ZNF676: variants seen among roughly 807,000 people sequenced by gnomAD.
The protein encoded by ZNF676 is zinc finger protein 676.
In ZNF676, 4 loss-of-function variants were observed where a neutral mutation model predicts 6.0. The ratio of observed to expected loss-of-function variants is 0.67; its 90% confidence interval spans 0.33 to 1.53. The LOEUF (loss-of-function observed/expected upper bound fraction) is 1.53, where lower values mean the gene tolerates loss of function less well. ZNF676 is among the 40% of genes most tolerant of loss of function. ZNF676 has a pLI of 0.06. For synonymous variants in ZNF676, 198 were observed against 223.1 expected (o/e 0.89, Z 1.00); for missense variants, 644 against 679.7 (o/e 0.95, Z 0.58).
chr19:22,216,250 C>G (rs1413791486), upstream of ZNF676, among the ~76,000 whole-genome samples: 1 of 152,124 alleles, frequency 6.6e-6, no homozygotes, highest in Non-Finnish European at 1.5e-5. Flanking sequence ...GCCTGGTTGA[C>G]ATGGTGAAAC....
the ZNF676 span, among the ~76,000 whole-genome samples, chr19:22,236,075 T>A: frequency 6.6e-6 from 1 of 151,770 alleles, no homozygotes; most frequent in East Asian, 1.9e-4. Flanking sequence ...AATCACCACC[T>A]TTGCGTCTTT....
Position 22,181,584 on chromosome 19 carries a change from T to C in ZNF676, c.133A>G (p.Ile45Val). 6.5e-7 allele frequency: 1 copy of C among 1,543,934 alleles called. No individual in the cohort carries two copies. The highest frequency in any genetic ancestry group is 1.3e-5 in the South Asian group (1 of 79,048). The change falls in exon 3 of 3, where the codon ATA becomes GTA. Residue 45 changes from isoleucine to valine, a missense_variant and splice_region_variant. Transcript: ENST00000397121. ...AACTCTTGGGAAAAATGAGAACATA[T>C]AACTGAAAAGAAATAAAAATAACAA... Reference protein sequence around the residue: ...RHEMVEEPPVICSHFSQEFWP... With the variant: ...RHEMVEEPPVVCSHFSQEFWP...
upstream of ZNF676, among the ~76,000 whole-genome samples, chr19:22,201,369 T>C (rs2024023924): frequency 6.6e-6 from 1 of 152,224 alleles, no homozygotes; most frequent in African/African-American, 2.4e-5. Flanking sequence ...TCTATGTTGA[T>C]ATCTCACAAT....
intron 2 of ZNF676, among the ~76,000 whole-genome samples, chr19:22,183,072 T>C (rs1395269505): frequency 6.6e-6 from 1 of 152,046 alleles, no homozygotes; most frequent in African/African-American, 2.4e-5. Flanking sequence ...TTAAAATATA[T>C]TGTTTTATTT....
chr19:22,258,176 A>T, the ZNF676 span, among the ~76,000 whole-genome samples: 1 of 150,996 alleles, frequency 6.6e-6, no homozygotes, highest in African/African-American at 2.4e-5. Context: ...CAAAAGAAAA[A>T]AGTCACATTA....
chr19:22,249,348 A>G, the ZNF676 span, among the ~76,000 whole-genome samples: 3 of 151,394 alleles, frequency 2.0e-5, no homozygotes, highest in African/African-American at 7.4e-5. Context: ...TTAAGCTTGT[A>G]AAAAAAATTC....
chr19:22,225,934 G>C, the ZNF676 span, among the ~76,000 whole-genome samples: 14 of 152,002 alleles, frequency 9.2e-5, no homozygotes, highest in Middle Eastern at 3.4e-3. Context: ...CAAAAATTTT[G>C]AAGTATATTT....
chr19:22,239,166 T>C, the ZNF676 span, among the ~76,000 whole-genome samples: 4 of 151,994 alleles, frequency 2.6e-5, no homozygotes, highest in African/African-American at 9.7e-5. Flanking sequence ...GTGGGCAGAT[T>C]CACATATCAC....
upstream of ZNF676, among the ~76,000 whole-genome samples, chr19:22,198,335 GA>G (rs768669025): frequency 1.3e-5 from 2 of 151,964 alleles, no homozygotes; most frequent in African/African-American, 4.8e-5. Context: ...CTGGTATATA[GA>G]AAAAAATATA....
chr19:22,240,405 A>G, the ZNF676 span, among the ~76,000 whole-genome samples: 6 of 152,060 alleles, frequency 3.9e-5, no homozygotes, highest in Middle Eastern at 3.4e-3. Context: ...GCCCAGAGAT[A>G]TTTCACAATG....
the ZNF676 span, chr19:22,244,172 T>C: frequency 6.6e-6 from 1 of 151,890 alleles, no homozygotes; most frequent in Non-Finnish European, 1.5e-5. Context: ...GCCTCTTGAG[T>C]AGCTGGGATT....
the ZNF676 span, among the ~76,000 whole-genome samples, chr19:22,251,469 G>T: frequency 5.9e-5 from 9 of 152,234 alleles, no homozygotes; most frequent in African/African-American, 1.9e-4. Flanking sequence ...CAGCTCAAAA[G>T]AAACAAGAGA....
intron 2 of ZNF676, 66 bp from the exon 3 acceptor site, chr19:22,181,652 C>T: frequency 3.2e-6 from 4 of 1,263,968 alleles, no homozygotes; most frequent in Non-Finnish European, 4.2e-6. Context: ...GTTTCCAAAT[C>T]TAACCTATAA....
At position 22,193,050 on chromosome 19, in the gene ZNF676, A is replaced by T; in HGVS notation, c.96T>A (p.Asn32Lys). ...IFLEQGKEPWNMKRHEMVEEP... is the reference protein window; with the variant it reads ...IFLEQGKEPWKMKRHEMVEEP... ...CTTCCACCATCTCATGTCTCTTCAT[A>T]TTCCAGGGCTCTTTTCCTTGCTCCA... Residue 32 changes from asparagine to lysine, a missense_variant, in exon 2 of 3, where the codon AAT becomes AAA. Asn to Lys is a moderately conservative substitution (Grantham distance 94, BLOSUM62 0). Coordinates refer to ENST00000397121, the MANE Select transcript of ZNF676 (RefSeq NM_001001411.3). 2 of 1,610,496 alleles carry T rather than the reference A, an allele frequency of 1.2e-6. No individual in the cohort carries two copies.
At chr19:22,212,006 T>C (rs549281683) in intron 1 of ZNF676, among the ~76,000 whole-genome samples, 3 of 132,308 alleles carry the variant, frequency 2.3e-5, no homozygotes, top group African/African-American at 7.8e-5. Flanking sequence ...AAGACCATCC[T>C]GGCTAACATG....
chr19:22,187,690 C>T (rs945213141), intron 2 of ZNF676, among the ~76,000 whole-genome samples: 18 of 151,668 alleles, frequency 1.2e-4, no homozygotes, highest in Admixed American at 4.6e-4. Flanking sequence ...AAGGGGACAC[C>T]GCCACTGATT....
the ZNF676 span, among the ~76,000 whole-genome samples, chr19:22,221,719 C>A: frequency 6.7e-6 from 1 of 150,316 alleles, no homozygotes; most frequent in Non-Finnish European, 1.5e-5. Flanking sequence ...CCATTGCACT[C>A]CAGCCTTGGT....
the ZNF676 span, among the ~76,000 whole-genome samples, chr19:22,241,425 G>A: frequency 6.6e-6 from 1 of 151,854 alleles, no homozygotes; most frequent in Non-Finnish European, 1.5e-5. Flanking sequence ...CTTGGTCTGA[G>A]AGTAACCAAC....
At chr19:22,211,831 G>GA (rs2024131746) in intron 1 of ZNF676, among the ~76,000 whole-genome samples, 1 of 152,126 alleles carries the variant, frequency 6.6e-6, no homozygotes. Flanking sequence ...CAAAACGGAA[G>GA]AAAAAATGTT....
Sources: gnomAD v4.1 joint callset for allele counts (sites outside exome capture counted in the v4.1 genomes callset) on GRCh38, gnomAD v4.1.1 for gene constraint, MANE v1.5 for transcripts, NCBI Gene and HGNC (gene_info 2026-07-23, HGNC 2026-07-21) for gene names.